RNF38: variants seen among roughly 807,000 people sequenced by gnomAD.
The protein encoded by RNF38 is ring finger protein 38, also known as E3 ubiquitin-protein ligase RNF38.
In RNF38, 15 loss-of-function variants were observed where a neutral mutation model predicts 67.2. The ratio of observed to expected loss-of-function variants is 0.22; its 90% confidence interval spans 0.15 to 0.34. RNF38 has a LOEUF of 0.34. Among genes scored for constraint, RNF38 ranks in the 10% least tolerant of loss-of-function variants. The pLI, the probability that RNF38 is intolerant of heterozygous loss-of-function variation, is 1.00. For missense variants in RNF38, 524 were observed against 639.9 expected (o/e 0.82, Z 1.95); for synonymous variants, 220 against 218.8 (o/e 1.01, Z -0.05).
intron 1 of RNF38, among the ~76,000 whole-genome samples, chr9:36,453,858 G>C (rs1252555517): frequency 6.6e-6 from 1 of 152,172 alleles, no homozygotes; most frequent in Non-Finnish European, 1.5e-5. Flanking sequence ...TAATGACATA[G>C]TAGTCATGTA....
chr9:36,355,407 G>A lies in RNF38; in HGVS notation c.909+896C>T, dbSNP rs796810412. Among the ~76,000 whole-genome samples the A allele has an allele frequency of 7.2e-5, 11 of 152,164 alleles. 1 individual carries two copies. Among genetic ancestry groups the A allele is most frequent in the African/African-American group, 2.6e-4 (11 of 41,516 alleles). On this transcript the variant is annotated intron_variant, in intron 6 of 11. Coordinates refer to ENST00000259605, the MANE Select transcript of RNF38 (RefSeq NM_022781.5). ...TTATATAGTACTTATATCTCCCAGT[G>A]TCCCAAAATAATAGGCCTCTCAACT...
At chr9:36,390,336 G>T in intron 2 of RNF38, 131 bp downstream of exon 2, 2 of 734,934 alleles carry the variant, frequency 2.7e-6, no homozygotes, top group Non-Finnish European at 4.2e-6. Flanking sequence ...AGTCCTCTAA[G>T]AAGAATACTT....
intron 1 of RNF38, among the ~76,000 whole-genome samples, chr9:36,395,535 T>TA (rs1837451239): frequency 6.6e-6 from 1 of 152,194 alleles, no homozygotes; most frequent in Admixed American, 6.5e-5. Flanking sequence ...GTCAGGTGCT[T>TA]AGTGTCACCT....
At chr9:36,421,472 T>G (rs1032378001) in intron 2 of RNF38, among the ~76,000 whole-genome samples, 1 of 151,986 alleles carries the variant, frequency 6.6e-6, no homozygotes, top group African/African-American at 2.4e-5. Flanking sequence ...GAGACCAGCC[T>G]GACCAACATG....
chr9:36,380,787 G>A (rs1587559708), intron 2 of RNF38, among the ~76,000 whole-genome samples: 1 of 152,184 alleles, frequency 6.6e-6, no homozygotes, highest in Non-Finnish European at 1.5e-5. Flanking sequence ...GAGTCATTAC[G>A]CCTGGCTAAC....
chr9:36,350,747 T>C (rs998704436), intron 9 of RNF38, among the ~76,000 whole-genome samples: 1 of 152,222 alleles, frequency 6.6e-6, no homozygotes. Flanking sequence ...TATTCAAATA[T>C]CCTTAAACAT....
At chr9:36,345,981 A>T (rs1833199337) in intron 9 of RNF38, among the ~76,000 whole-genome samples, 1 of 152,218 alleles carries the variant, frequency 6.6e-6, no homozygotes, top group Non-Finnish European at 1.5e-5. Flanking sequence ...TGGTTATGTT[A>T]GCAGCCAATG....
At chr9:36,410,932 A>G (rs1419952620) in intron 2 of RNF38, among the ~76,000 whole-genome samples, 1 of 152,130 alleles carries the variant, frequency 6.6e-6, no homozygotes. Context: ...GGAAGATGAA[A>G]AAGTTCTGGA....
chr9:36,427,113 C>G (rs1838792025), intron 1 of RNF38, among the ~76,000 whole-genome samples: 1 of 152,222 alleles, frequency 6.6e-6, no homozygotes, highest in African/African-American at 2.4e-5. Flanking sequence ...GATAACATGT[C>G]TGTCTCTCCA....
intron 1 of RNF38, among the ~76,000 whole-genome samples, chr9:36,391,389 T>TA (rs571072728): frequency 2.0e-4 from 30 of 149,308 alleles, no homozygotes; most frequent in African/African-American, 4.7e-4. Flanking sequence ...TCTGTAACAT[T>TA]AAAAAAAAAA....
At position 36,376,037 on chromosome 9, in the gene RNF38, G is replaced by C; in HGVS notation, c.253C>G (p.Arg85Gly). The C allele has an allele frequency of 3.7e-6, 6 of 1,612,752 alleles. No homozygotes were observed. The highest frequency in any genetic ancestry group is 5.1e-6 in the Non-Finnish European group (6 of 1,179,450). The part of the protein sequence containing the change: ...SASPAPSPPM[R>G]PWEMTSNRQP... ...CTATTTGATGTCATCTCCCATGGTC[G>C]CATTGGTGGTGAGGGAGCTGGTGAT... Residue 85 changes from arginine (R) to glycine (G), a missense_variant, in exon 3 of 12, where the codon CGA becomes GGA. By Grantham distance (125) the Arg-to-Gly change is moderately radical. Around this residue, in one of 2 missense-constraint regions of RNF38, gnomAD observed 461 missense variants for 517.4 expected, o/e 0.89. Transcript: ENST00000259605.
chr9:36,376,920 C>T (rs545773692), intron 2 of RNF38, among the ~76,000 whole-genome samples: 2 of 97,264 alleles, frequency 2.1e-5, no homozygotes, highest in South Asian at 3.8e-4. Context: ...GAGTGAGACT[C>T]TGTCTCAAAA....
chr9:36,344,261 C>T (rs563843979), intron 10 of RNF38, among the ~76,000 whole-genome samples: 7 of 152,256 alleles, frequency 4.6e-5, no homozygotes, highest in Non-Finnish European at 7.4e-5. Context: ...GTGATCCACT[C>T]GCCTCAGCCT....
At chr9:36,448,025 G>A (rs1271908013) in intron 1 of RNF38, among the ~76,000 whole-genome samples, 2 of 152,314 alleles carry the variant, frequency 1.3e-5, no homozygotes, top group East Asian at 3.9e-4. Context: ...GCTCTGCAGT[G>A]CTGAAAAGAG....
chr9:36,437,555 G>GAA (rs891584843), intron 1 of RNF38, among the ~76,000 whole-genome samples: 2 of 136,298 alleles, frequency 1.5e-5, no homozygotes, highest in Non-Finnish European at 1.6e-5. Flanking sequence ...GAGCAAGGTT[G>GAA]AAAAAAAAAA....
intron 2 of RNF38, among the ~76,000 whole-genome samples, chr9:36,422,770 C>T (rs1838664423): frequency 6.6e-6 from 1 of 152,190 alleles, no homozygotes; most frequent in African/African-American, 2.4e-5. Flanking sequence ...TTAAACTTCT[C>T]TTCCCTTTTT....
chr9:36,411,705 G>C (rs1421449171), intron 2 of RNF38, among the ~76,000 whole-genome samples: 1 of 151,904 alleles, frequency 6.6e-6, no homozygotes, highest in African/African-American at 2.4e-5. Context: ...GGGACTACAG[G>C]TACCTGCCAC....
chr9:36,434,256 G>C (rs1179319385), intron 1 of RNF38, among the ~76,000 whole-genome samples: 1 of 129,726 alleles, frequency 7.7e-6, no homozygotes, highest in Non-Finnish European at 1.7e-5. Flanking sequence ...GGGAGGGGAG[G>C]GGAGAGGGGA....
chr9:36,405,554 A>G (rs1028864515), upstream of RNF38, among the ~76,000 whole-genome samples: 2 of 152,254 alleles, frequency 1.3e-5, no homozygotes, highest in African/African-American at 4.8e-5. Flanking sequence ...TCAGAAAATG[A>G]ATCAGGGAGT....
Sources: allele counts gnomAD v4.1 joint callset (sites outside exome capture counted in the v4.1 genomes callset), GRCh38; gene constraint gnomAD v4.1.1; regional missense constraint gnomAD v4.1.1; transcripts MANE v1.5; gene names NCBI Gene and HGNC (gene_info 2026-07-23, HGNC 2026-07-21).